EYS: variants seen among roughly 807,000 people sequenced by gnomAD.
EYS encodes the protein protein eyes shut homolog.
A neutral mutation model predicts 282.1 loss-of-function variants in EYS; 250 were observed. That is an observed-to-expected ratio of 0.89 (90% confidence interval 0.80 to 0.98). The LOEUF (loss-of-function observed/expected upper bound fraction) is 0.98, where lower values mean the gene tolerates loss of function less well. Among genes scored for constraint, EYS ranks in the 50% least tolerant of loss-of-function variants. The pLI is 0.00. For synonymous variants in EYS, 1,355 were observed against 1,282.9 expected (o/e 1.06, Z -1.20); for missense variants, 4,016 against 3,709.0 (o/e 1.08, Z -2.15).
At chr6:65,439,856 A>G (rs988131234) in intron 5 of EYS, among the ~76,000 whole-genome samples, 49 of 152,220 alleles carry the variant, frequency 3.2e-4, no homozygotes, top group Middle Eastern at 3.4e-3. Flanking sequence ...CTATAACATG[A>G]AAAGTACTGT....
intron 8 of EYS, among the ~76,000 whole-genome samples, chr6:65,379,516 A>G (rs1408172911): frequency 6.6e-6 from 1 of 152,114 alleles, no homozygotes; most frequent in Non-Finnish European, 1.5e-5. Context: ...TATCATATTG[A>G]ATGGGCAAAA....
At chr6:64,838,602 C>G (rs1246514384) in intron 19 of EYS, among the ~76,000 whole-genome samples, 2 of 134,732 alleles carry the variant, frequency 1.5e-5, no homozygotes, top group Admixed American at 1.6e-4. Flanking sequence ...GAGTCTTCCT[C>G]TCTTTCTGTT....
intron 12 of EYS, among the ~76,000 whole-genome samples, chr6:65,071,133 A>C (rs1283392289): frequency 3.3e-5 from 5 of 151,834 alleles, no homozygotes; most frequent in Non-Finnish European, 7.4e-5. Context: ...AAACAAAAGG[A>C]ATGTATTTAA....
intron 33 of EYS, among the ~76,000 whole-genome samples, chr6:64,029,732 C>T (rs115426864): frequency 0.052 from 7,857 of 152,308 alleles, 245 homozygotes; most frequent in Non-Finnish European, 0.075. Flanking sequence ...TTAGTGATGT[C>T]ACCATACTTG....
At chr6:65,565,312 G>A (rs1769229762) in intron 2 of EYS, among the ~76,000 whole-genome samples, 1 of 124,070 alleles carries the variant, frequency 8.1e-6, no homozygotes, top group African/African-American at 2.8e-5. Flanking sequence ...CTTCTCAAAA[G>A]AAGACATTTA....
In EYS at chr6:64,336,662, G is replaced by A. The variant is rs185869865; in HGVS notation, c.6079-29580C>T. On this transcript the variant is annotated intron_variant, in intron 29 of 42. Transcript: ENST00000503581. ...ATACAGAACATTTTATTCAACAAGCGCAGAATACACATTCTATTCAACAGC... is the reference window on the plus strand; with the variant it reads ...ATACAGAACATTTTATTCAACAAGCACAGAATACACATTCTATTCAACAGC... Among the ~76,000 whole-genome samples the A allele has an allele frequency of 1.1e-3, 163 of 152,018 alleles. 1 individual carries two copies. Among genetic ancestry groups the A allele is most frequent in the African/African-American group, 3.6e-4 (15 of 41,502 alleles).
chr6:65,536,162 A>G (rs1309713020), intron 2 of EYS, among the ~76,000 whole-genome samples: 2 of 152,074 alleles, frequency 1.3e-5, no homozygotes, highest in African/African-American at 2.4e-5. Context: ...GAATCATACG[A>G]CTATAGAAGA....
At position 64,508,551 on chromosome 6, in the gene EYS, TTTATTATTA is replaced by T. The variant is rs34222008; in HGVS notation, c.5645-69208_5645-69200del. 5.1e-3 allele frequency among the ~76,000 whole-genome samples: 733 copies of T among 142,500 alleles called. 6 individuals carry two copies. Among genetic ancestry groups the T allele is most frequent in the African/African-American group, 0.017 (641 of 38,632 alleles). The allele number at this position is 142,500 out of a possible 152,430, so 93.5% of individuals were successfully genotyped here. On this transcript the variant is annotated intron_variant, in intron 26 of 42. Transcript: ENST00000503581. Reference sequence around the variant, plus strand: ...GGCATGAGTTCTGCTTTTCTAAGTATTTATTATTATTATTATTATTATTATTATTATTAT... The same window carrying T: ...GGCATGAGTTCTGCTTTTCTAAGTATTTATTATTATTATTATTATTATTAT...
At chr6:64,173,847 C>A (rs9342140) in intron 31 of EYS, among the ~76,000 whole-genome samples, 47,383 of 151,742 alleles carry the variant, frequency 0.31, 7,442 homozygotes, top group East Asian at 0.51. Context: ...ATTTAAAAAA[C>A]AAATCTGGAA....
At chr6:64,832,197 C>T (rs532192038) in intron 19 of EYS, among the ~76,000 whole-genome samples, 14 of 151,980 alleles carry the variant, frequency 9.2e-5, no homozygotes, top group South Asian at 2.1e-4. Flanking sequence ...CACATTCATA[C>T]GCATGTACAT....
At chr6:65,313,369 T>C (rs1769213848) in intron 11 of EYS, among the ~76,000 whole-genome samples, 1 of 151,838 alleles carries the variant, frequency 6.6e-6, no homozygotes, top group Non-Finnish European at 1.5e-5. Flanking sequence ...TAACACATGC[T>C]TAAAGGATCA....
chr6:63,791,220 T>C (rs998110420), intron 37 of EYS, among the ~76,000 whole-genome samples: 3 of 152,038 alleles, frequency 2.0e-5, no homozygotes, highest in African/African-American at 7.3e-5. Flanking sequence ...GCTGTTTAAA[T>C]CAGAAGGGAG....
chr6:64,255,017 CT>C (rs1451888049), intron 30 of EYS, among the ~76,000 whole-genome samples: 1 of 152,044 alleles, frequency 6.6e-6, no homozygotes, highest in Non-Finnish European at 1.5e-5. Flanking sequence ...TTGGAGATTA[CT>C]TTGTGAAAAA....
chr6:65,443,300 ATG>A (rs1166399619), intron 5 of EYS, among the ~76,000 whole-genome samples: 1 of 144,376 alleles, frequency 6.9e-6, no homozygotes, highest in South Asian at 2.2e-4. Flanking sequence ...ATATGCATAC[ATG>A]TGTGTACACA....
chr6:65,511,478 TG>T (rs1355377590), intron 2 of EYS, among the ~76,000 whole-genome samples: 3 of 152,126 alleles, frequency 2.0e-5, no homozygotes, highest in African/African-American at 7.2e-5. Flanking sequence ...CCCATCTACA[TG>T]CTTCTACATA....
At chr6:65,678,410 A>C (rs1768702271) in intron 1 of EYS, among the ~76,000 whole-genome samples, 1 of 152,056 alleles carries the variant, frequency 6.6e-6, no homozygotes, top group African/African-American at 2.4e-5. Flanking sequence ...CAGATGCAAT[A>C]GAATAAAATT....
chr6:64,626,649 C>T (rs1767619910), intron 22 of EYS, among the ~76,000 whole-genome samples: 1 of 152,112 alleles, frequency 6.6e-6, no homozygotes, highest in African/African-American at 2.4e-5. Context: ...CACCCAGAGC[C>T]TCTAGAAGCT....
chr6:63,987,479 A>G (rs1189341964), intron 34 of EYS, among the ~76,000 whole-genome samples: 1 of 151,754 alleles, frequency 6.6e-6, no homozygotes, highest in Admixed American at 6.6e-5. Context: ...CCTCAGCAAC[A>G]TATATAATTG....
At chr6:65,271,128 TTA>T (rs70999188) in intron 12 of EYS, among the ~76,000 whole-genome samples, 4,110 of 55,778 alleles carry the variant, frequency 0.074, 301 homozygotes, top group African/African-American at 0.1. Context: ...AATCAATAGA[TTA>T]TATATATATA....
Sources: gnomAD v4.1 joint callset for allele counts (sites outside exome capture counted in the v4.1 genomes callset) on GRCh38, gnomAD v4.1.1 for gene constraint, MANE v1.5 for transcripts, NCBI Gene and HGNC (gene_info 2026-07-23, HGNC 2026-07-21) for gene names.